The following CACNA2D3 variants were observed in gnomAD, a reference collection of about 807,000 sequenced individuals.
CACNA2D3 encodes voltage-dependent calcium channel subunit alpha-2/delta-3.
Under a neutral mutation model 160.6 loss-of-function variants are expected in CACNA2D3, and 60 were observed. The observed-to-expected ratio is 0.37, with a 90% confidence interval of 0.30 to 0.46. The LOEUF is 0.46. CACNA2D3 is among the 20% of genes least tolerant of loss of function. The pLI is 1.00. For missense variants in CACNA2D3, 1,205 were observed against 1,365.0 expected (o/e 0.88, Z 1.85); for synonymous variants, 558 against 492.9 (o/e 1.13, Z -1.75).
intron 4 of CACNA2D3, among the ~76,000 whole-genome samples, chr3:54,450,734 A>G (rs1039393368): frequency 1.3e-5 from 2 of 152,042 alleles, no homozygotes; most frequent in Admixed American, 6.6e-5. Flanking sequence ...TTCTTTATAA[A>G]TTACCCAGCC....
intron 27 of CACNA2D3, among the ~76,000 whole-genome samples, chr3:54,917,911 A>T (rs1700700673): frequency 6.6e-6 from 1 of 152,192 alleles, no homozygotes. Flanking sequence ...CAAGCTATGA[A>T]ATTCCCAACC....
chr3:54,981,402 T>C (rs1316365943), intron 29 of CACNA2D3, among the ~76,000 whole-genome samples: 1 of 152,200 alleles, frequency 6.6e-6, no homozygotes, highest in East Asian at 1.9e-4. Context: ...ATCAAAACTT[T>C]ACAGAGGATT....
intron 11 of CACNA2D3, among the ~76,000 whole-genome samples, chr3:54,720,361 TA>T (rs1446699217): frequency 3.5e-4 from 54 of 152,132 alleles, no homozygotes; most frequent in Non-Finnish European, 1.3e-4. Flanking sequence ...TTGTGAACTT[TA>T]TTTAAAGTGT....
chr3:55,072,370 A>G (rs1422380843), intron 35 of CACNA2D3, among the ~76,000 whole-genome samples: 1 of 152,234 alleles, frequency 6.6e-6, no homozygotes, highest in African/African-American at 2.4e-5. Context: ...TGAGGTGGCA[A>G]CAGGTTAAAA....
chr3:54,567,507 TTTTTTGTTTG>T (rs1378212243), intron 6 of CACNA2D3, among the ~76,000 whole-genome samples: 1 of 83,022 alleles, frequency 1.2e-5, no homozygotes, highest in Non-Finnish European at 3.3e-5. Context: ...GTGGAGGTGG[TTTTTTGTTTG>T]TTGTTTGTTG....
chr3:54,622,611 T>C (rs1699013973), intron 9 of CACNA2D3, among the ~76,000 whole-genome samples: 1 of 151,288 alleles, frequency 6.6e-6, no homozygotes, highest in South Asian at 2.1e-4. Flanking sequence ...TCAGAGTTCA[T>C]AGGGCCTGTA....
chr3:54,961,520 T>A (rs539938939), intron 27 of CACNA2D3, among the ~76,000 whole-genome samples: 33 of 152,244 alleles, frequency 2.2e-4, no homozygotes, highest in Non-Finnish European at 3.4e-4. Context: ...GAAAATCTTC[T>A]GTTTGTAGAA....
At chr3:54,541,678 T>C (rs1437560606) in intron 5 of CACNA2D3, among the ~76,000 whole-genome samples, 1 of 152,166 alleles carries the variant, frequency 6.6e-6, no homozygotes, top group African/African-American at 2.4e-5. Flanking sequence ...TACCGTCACG[T>C]GGTGCTGCCG....
At chr3:54,562,226 G>A (rs1252747819) in intron 5 of CACNA2D3, among the ~76,000 whole-genome samples, 1 of 152,192 alleles carries the variant, frequency 6.6e-6, no homozygotes. Flanking sequence ...TACAGCAGAA[G>A]ACCAAGAGGC....
intron 27 of CACNA2D3, among the ~76,000 whole-genome samples, chr3:54,948,593 T>A (rs1049896394): frequency 6.6e-6 from 1 of 152,198 alleles, no homozygotes; most frequent in Non-Finnish European, 1.5e-5. Context: ...CCAGGCACAC[T>A]ATGCTGGAAG....
At chr3:54,521,989 T>G (rs970054400) in intron 5 of CACNA2D3, among the ~76,000 whole-genome samples, 1 of 152,204 alleles carries the variant, frequency 6.6e-6, no homozygotes, top group Non-Finnish European at 1.5e-5. Flanking sequence ...TCTGATTTTG[T>G]TCATATTTTT....
At chr3:54,828,273 G>C (rs1703787559) in intron 14 of CACNA2D3, among the ~76,000 whole-genome samples, 1 of 152,164 alleles carries the variant, frequency 6.6e-6, no homozygotes, top group Admixed American at 6.5e-5. Context: ...ATGTGTCATG[G>C]CTCATCATAA....
At chr3:54,855,310 C>T (rs1699144844) in intron 17 of CACNA2D3, among the ~76,000 whole-genome samples, 2 of 152,214 alleles carry the variant, frequency 1.3e-5, no homozygotes, top group Non-Finnish European at 2.9e-5. Context: ...GCACCTGCTT[C>T]TCCCTCTGAC....
At chr3:54,973,239 G>T (rs1702314719) in intron 29 of CACNA2D3, among the ~76,000 whole-genome samples, 1 of 152,140 alleles carries the variant, frequency 6.6e-6, no homozygotes, top group Non-Finnish European at 1.5e-5. Flanking sequence ...CAGGACAGAA[G>T]GGAGGAAGGA....
At chr3:54,484,972 G>A (rs1359165600) in intron 4 of CACNA2D3, among the ~76,000 whole-genome samples, 2 of 151,620 alleles carry the variant, frequency 1.3e-5, no homozygotes, top group African/African-American at 2.4e-5. Context: ...TCAGCCTCCC[G>A]AGTAGCTGGG....
intron 2 of CACNA2D3, among the ~76,000 whole-genome samples, chr3:54,186,928 T>G (rs981948549): frequency 6.6e-6 from 1 of 152,148 alleles, no homozygotes; most frequent in Non-Finnish European, 1.5e-5. Flanking sequence ...TGACCCTGAG[T>G]TGGCCTAGTG....
chr3:54,144,480 A>C (rs1430884348), intron 2 of CACNA2D3, among the ~76,000 whole-genome samples: 2 of 152,222 alleles, frequency 1.3e-5, no homozygotes, highest in Non-Finnish European at 2.9e-5. Flanking sequence ...TTGCATGTGC[A>C]TATGTGAAAT....
At chr3:54,887,747 C>T (rs1162794104) in intron 23 of CACNA2D3, among the ~76,000 whole-genome samples, 1 of 152,184 alleles carries the variant, frequency 6.6e-6, no homozygotes, top group Non-Finnish European at 1.5e-5. Context: ...CAGTTGACTA[C>T]CTTCTTGCCC....
At chr3:54,478,393 GAGGCCA>G (rs1484145515) in intron 4 of CACNA2D3, among the ~76,000 whole-genome samples, 1 of 151,860 alleles carries the variant, frequency 6.6e-6, no homozygotes, top group Non-Finnish European at 1.5e-5. Flanking sequence ...AGCAGTTTGA[GAGGCCA>G]AGGCGGGAAG....
Sources: gnomAD v4.1 joint callset for allele counts (sites outside exome capture counted in the v4.1 genomes callset) on GRCh38, gnomAD v4.1.1 for gene constraint, MANE v1.5 for transcripts, NCBI Gene and HGNC (gene_info 2026-07-23, HGNC 2026-07-21) for gene names.